Variants in NPLOC4 observed in about 807,000 individuals in gnomAD.
NPLOC4 encodes the protein NPL4 homolog, ubiquitin recognition factor, also known as nuclear protein localization protein 4 homolog.
Under a neutral mutation model 80.6 loss-of-function variants are expected in NPLOC4, and 18 were observed. The ratio of observed to expected loss-of-function variants is 0.22; its 90% CI spans 0.15 to 0.33. The LOEUF is 0.33. NPLOC4 is among the 10% of genes least tolerant of loss of function. The pLI, the probability that NPLOC4 is intolerant of heterozygous loss-of-function variation, is 1.00. For missense variants in NPLOC4, 540 were observed against 786.1 expected, an observed-to-expected ratio of 0.69 and a Z score of 3.74; for synonymous variants, 313 against 301.5, an observed-to-expected ratio of 1.04 and a Z score of -0.39.
intron 16 of NPLOC4, chr17:81,564,408 T>TA (rs1388735590): frequency 1.3e-5 from 2 of 153,216 alleles, no homozygotes; most frequent in African/African-American, 4.8e-5. Context: ...TGCAGTGAGT[T>TA]ACGATTGTGC....
At position 81,559,331 on chromosome 17, in the gene NPLOC4, G is replaced by C. The variant is rs1055040024; in HGVS notation, c.1755C>G (p.Ala585=). ...GGTTCATGAACGTGCAGTGCTGACA[G>C]GCCCACATGGCTGCAGTGGCCGTGT... ...STHTATAAMW[A]CQHCTFMNQP... Residue 585 remains alanine (A), a synonymous_variant, in exon 17 of 17, where the codon GCC becomes GCG. Transcript: ENST00000331134. 2.5e-6 allele frequency: 4 copies of C among 1,606,604 alleles called. No homozygotes were observed. The highest frequency in any genetic ancestry group is 1.3e-5 in the African/African-American group (1 of 74,856).
intron 15 of NPLOC4, chr17:81,566,974 G>A (rs2034030071): frequency 5.7e-6 from 1 of 175,338 alleles, no homozygotes; most frequent in South Asian, 1.3e-4. Context: ...TCTGGAAGCT[G>A]GCCAAGCCTT....
At chr17:81,627,643 G>A (rs921197503) in intron 2 of NPLOC4, among the ~76,000 whole-genome samples, 4 of 152,072 alleles carry the variant, frequency 2.6e-5, no homozygotes, top group South Asian at 2.1e-4. Flanking sequence ...GAAGGCTGAG[G>A]CAGAATTGCT....
intron 4 of NPLOC4, among the ~76,000 whole-genome samples, chr17:81,611,373 G>A (rs1367922608): frequency 4.0e-5 from 6 of 150,874 alleles, no homozygotes; most frequent in Admixed American, 6.6e-5. Flanking sequence ...TTTCTGAGAC[G>A]GAGTTTCACT....
chr17:81,614,717 T>C (rs1474428330), intron 3 of NPLOC4, among the ~76,000 whole-genome samples: 5 of 152,156 alleles, frequency 3.3e-5, no homozygotes, highest in Admixed American at 1.3e-4. Flanking sequence ...TTGACTGGCA[T>C]GGCAAACTGC....
At chr17:81,583,000 A>T (rs1362284558) in intron 12 of NPLOC4, among the ~76,000 whole-genome samples, 3 of 152,276 alleles carry the variant, frequency 2.0e-5, no homozygotes, top group Non-Finnish European at 4.4e-5. Flanking sequence ...CTGCGCACTC[A>T]CAACTGAGCG....
intron 2 of NPLOC4, among the ~76,000 whole-genome samples, chr17:81,629,417 T>A (rs1168145851): frequency 6.6e-6 from 1 of 152,018 alleles, no homozygotes; most frequent in Non-Finnish European, 1.5e-5. Context: ...CTTGAACTCC[T>A]CACTTCGTGA....
chr17:81,625,951 C>T (rs959312080), intron 2 of NPLOC4, among the ~76,000 whole-genome samples: 1 of 151,966 alleles, frequency 6.6e-6, no homozygotes, highest in Non-Finnish European at 1.5e-5. Context: ...GAGTTTGAGA[C>T]CAGCCTGGCC....
intron 3 of NPLOC4, among the ~76,000 whole-genome samples, chr17:81,615,176 T>C (rs903426268): frequency 6.7e-6 from 1 of 149,074 alleles, no homozygotes; most frequent in Admixed American, 6.8e-5. Flanking sequence ...CTTGGCTCAC[T>C]GGAACCTGCA....
At position 81,558,546 on chromosome 17, in the gene NPLOC4, C is replaced by T. The variant is rs1219062460; in HGVS notation, c.*713G>A. The T allele has an allele frequency of 6.6e-6, 1 of 152,140 alleles. No individual in the cohort carries two copies. Among genetic ancestry groups the T allele is most frequent in the Admixed American group, 6.5e-5 (1 of 15,268 alleles). 9.4% of individuals were successfully genotyped at this position (152,140 alleles called of 1,614,324 possible). ...ACTAAAGGAGGGAAGGATGTGGAAA[C>T]TAGTCTCTCTCACTCCCCTTTTGTG... On this transcript the variant is annotated 3_prime_UTR_variant, in exon 17 of 17. Transcript: ENST00000331134.
At chr17:81,595,438 A>C (rs1377917649) in intron 11 of NPLOC4, among the ~76,000 whole-genome samples, 2 of 146,562 alleles carry the variant, frequency 1.4e-5, no homozygotes, top group Admixed American at 6.9e-5. Flanking sequence ...AAAAAAAAAA[A>C]AAAAACCCGT....
intron 1 of NPLOC4, among the ~76,000 whole-genome samples, chr17:81,635,237 G>C (rs1469085198): frequency 1.3e-5 from 2 of 151,678 alleles, no homozygotes; most frequent in Admixed American, 6.6e-5. Context: ...CAGCTACTCG[G>C]CTGAGGCAGG....
At chr17:81,585,119 G>A (rs139363089) in intron 12 of NPLOC4, among the ~76,000 whole-genome samples, 11,666 of 125,792 alleles carry the variant, frequency 0.093, 546 homozygotes, top group Middle Eastern at 0.29. Flanking sequence ...GCAGTGATCT[G>A]AGATCGCACC....
At chr17:81,587,195 C>T (rs1375176664) in intron 12 of NPLOC4, among the ~76,000 whole-genome samples, 8 of 152,210 alleles carry the variant, frequency 5.3e-5, no homozygotes, top group Non-Finnish European at 8.8e-5. Flanking sequence ...TAATATGGGT[C>T]GGGTGCAGTG....
intron 1 of NPLOC4, among the ~76,000 whole-genome samples, chr17:81,635,551 A>C (rs962216268): frequency 6.6e-6 from 1 of 152,048 alleles, no homozygotes; most frequent in African/African-American, 2.4e-5. Flanking sequence ...TGTGTGTGTG[A>C]GACAGTCTCA....
intron 12 of NPLOC4, chr17:81,588,020 T>A (rs982537058): frequency 6.6e-6 from 1 of 152,004 alleles, no homozygotes; most frequent in Admixed American, 6.6e-5. Flanking sequence ...AAGAGTTAAG[T>A]AGAAACACAG....
chr17:81,615,823 T>G (rs1359960600), intron 3 of NPLOC4, among the ~76,000 whole-genome samples: 2 of 152,068 alleles, frequency 1.3e-5, no homozygotes, highest in African/African-American at 2.4e-5. Flanking sequence ...TCTGCCTCTA[T>G]CCAGTACACA....
chr17:81,559,364 G>A lies in NPLOC4; in HGVS notation c.1722C>T (p.Gly574=), dbSNP rs779644376. Residue 574 remains glycine, a synonymous_variant, in exon 17 of 17, where the codon GGC becomes GGT. Transcript: ENST00000331134. ...PGLHEYGAVG[G]STHTATAAMW... ...TGGCTGCAGTGGCCGTGTGTGTGGA[G>A]CCCCCGACGGCGCCGTACTCATGGA... is the stretch of plus-strand genomic sequence containing the variant. The A allele has an allele frequency of 1.9e-6, 3 of 1,608,350 alleles. No individual in the cohort carries two copies. Among genetic ancestry groups the A allele is most frequent in the African/African-American group, 2.7e-5 (2 of 74,972 alleles).
intron 3 of NPLOC4, 41 bp downstream of exon 3, chr17:81,622,125 A>C (rs748675478): frequency 6.9e-7 from 1 of 1,450,656 alleles, no homozygotes; most frequent in Non-Finnish European, 9.7e-7. Context: ...TGGGGACCTC[A>C]TTTCCCCCCA....
Sources: allele counts gnomAD v4.1 joint callset (sites outside exome capture counted in the v4.1 genomes callset), GRCh38; gene constraint gnomAD v4.1.1; transcripts MANE v1.5; gene names NCBI Gene and HGNC (gene_info 2026-07-23, HGNC 2026-07-21).